Variants in ITGBL1 observed in about 807,000 individuals in gnomAD.
ITGBL1 encodes integrin beta-like protein 1.
A neutral mutation model predicts 68.5 loss-of-function variants in ITGBL1; 51 were observed. That is an observed-to-expected ratio of 0.74 (90% CI 0.59 to 0.94). The LOEUF is 0.94. Ranked by LOEUF, ITGBL1 falls within the 40% of genes least tolerant of loss-of-function variation. ITGBL1 has a pLI of 0.00. For missense variants in ITGBL1, 649 were observed against 647.4 expected, an observed-to-expected ratio of 1.00 and a Z score of -0.03; for synonymous variants, 209 against 227.3, an observed-to-expected ratio of 0.92 and a Z score of 0.72.
chr13:101,525,461 A>G (rs16959009), intron 2 of ITGBL1, among the ~76,000 whole-genome samples: 112,604 of 151,200 alleles, frequency 0.74, 41,955 homozygotes, highest in South Asian at 0.79. Flanking sequence ...CTACATTTTC[A>G]TCACCTCCTT....
chr13:101,471,027 C>G (rs566281645), intron 2 of ITGBL1, among the ~76,000 whole-genome samples: 1 of 152,306 alleles, frequency 6.6e-6, no homozygotes, highest in South Asian at 2.1e-4. Context: ...TATTAAGTTA[C>G]ACCATTTAGT....
chr13:101,560,174 G>GT (rs899655497), intron 2 of ITGBL1, among the ~76,000 whole-genome samples: 2 of 152,104 alleles, frequency 1.3e-5, no homozygotes, highest in African/African-American at 2.4e-5. Context: ...ATGTTACATT[G>GT]TTTTTTTGTT....
At chr13:101,694,720 C>A (rs990312421) in intron 8 of ITGBL1, among the ~76,000 whole-genome samples, 1 of 152,220 alleles carries the variant, frequency 6.6e-6, no homozygotes, top group Admixed American at 6.5e-5. Flanking sequence ...CTGAGCCTGG[C>A]CAGAAATGGC....
chr13:101,496,376 G>A (rs1594846869), intron 2 of ITGBL1, among the ~76,000 whole-genome samples: 1 of 152,218 alleles, frequency 6.6e-6, no homozygotes, highest in East Asian at 1.9e-4. Context: ...CACTGTAAAA[G>A]GAGTGGCTTG....
downstream of ITGBL1, chr13:101,720,487 A>T (rs2034893822): frequency 6.6e-6 from 1 of 151,796 alleles, no homozygotes; most frequent in African/African-American, 2.4e-5. Context: ...GAAACCAGCA[A>T]GTAGGGCTAA....
chr13:101,481,085 C>CGCATAT (rs1555353317), intron 2 of ITGBL1, among the ~76,000 whole-genome samples: 2 of 149,006 alleles, frequency 1.3e-5, no homozygotes, highest in African/African-American at 5.0e-5. Context: ...TATATACACA[C>CGCATAT]ATATATATAC....
At chr13:101,650,698 T>C (rs112959918) in intron 7 of ITGBL1, among the ~76,000 whole-genome samples, 162 of 151,854 alleles carry the variant, frequency 1.1e-3, no homozygotes, top group African/African-American at 3.6e-3. Flanking sequence ...TAGGTAAACA[T>C]GTGCCATGGT....
chr13:101,604,857 T>TAC (rs1404977179), intron 7 of ITGBL1, among the ~76,000 whole-genome samples: 35 of 14,368 alleles, frequency 2.4e-3, no homozygotes, highest in African/African-American at 5.4e-3. Context: ...TATATATATA[T>TAC]ATATATATAT....
chr13:101,509,410 C>A (rs975104757), intron 2 of ITGBL1, among the ~76,000 whole-genome samples: 1 of 152,074 alleles, frequency 6.6e-6, no homozygotes, highest in African/African-American at 2.4e-5. Context: ...TCTGTTTATT[C>A]TTATACCAGC....
intron 7 of ITGBL1, among the ~76,000 whole-genome samples, chr13:101,625,609 A>C (rs948743591): frequency 6.6e-6 from 1 of 151,922 alleles, no homozygotes; most frequent in East Asian, 1.9e-4. Context: ...CTGGAGTACA[A>C]TTGCACGATC....
intron 8 of ITGBL1, among the ~76,000 whole-genome samples, chr13:101,696,773 A>G (rs1311128231): frequency 6.6e-6 from 1 of 152,192 alleles, no homozygotes; most frequent in African/African-American, 2.4e-5. Flanking sequence ...GCTCAAAGCT[A>G]GGATAAAGGT....
intron 2 of ITGBL1, among the ~76,000 whole-genome samples, chr13:101,567,013 G>C (rs1038481959): frequency 3.3e-5 from 5 of 152,116 alleles, no homozygotes; most frequent in African/African-American, 1.2e-4. Flanking sequence ...ACTTCTGTCA[G>C]ACTAATGTGC....
chr13:101,639,223 A>C (rs1308067409), intron 7 of ITGBL1, among the ~76,000 whole-genome samples: 1 of 152,162 alleles, frequency 6.6e-6, no homozygotes, highest in Non-Finnish European at 1.5e-5. Flanking sequence ...TAGAAATTAC[A>C]AAAAAATTCA....
intron 2 of ITGBL1, among the ~76,000 whole-genome samples, chr13:101,542,343 A>G (rs567247749): frequency 6.6e-6 from 1 of 152,192 alleles, no homozygotes; most frequent in African/African-American, 2.4e-5. Context: ...CAGGTTGTTC[A>G]GTTTCCATGT....
chr13:101,715,710 A>C lies in ITGBL1; in HGVS notation c.*56A>C. ...TTTTTCTGGGCCATTAGAACAGATA[A>C]ATGCGAAGGAAACCATGTATATTCA... On this transcript the variant is annotated 3_prime_UTR_variant, in exon 11 of 11. Coordinates refer to ENST00000376180, the MANE Select transcript of ITGBL1 (RefSeq NM_004791.3). The C allele has an allele frequency of 9.2e-7, 1 of 1,085,268 alleles. No individual in the cohort carries two copies. The highest frequency in any genetic ancestry group is 1.4e-6 in the Non-Finnish European group (1 of 698,016). The allele number at this position is 1,085,268 out of a possible 1,614,324, so 67.2% of individuals were successfully genotyped here.
intron 7 of ITGBL1, among the ~76,000 whole-genome samples, chr13:101,610,510 T>C (rs1180147274): frequency 6.6e-6 from 1 of 152,208 alleles, no homozygotes; most frequent in Admixed American, 6.6e-5. Context: ...CGATGTTGCT[T>C]ATCATAATCA....
chr13:101,631,633 C>T (rs1252345634), intron 7 of ITGBL1, among the ~76,000 whole-genome samples: 7 of 152,118 alleles, frequency 4.6e-5, no homozygotes, highest in Admixed American at 4.6e-4. Context: ...TTTTTGCCTA[C>T]ATTTGCTAAT....
At chr13:101,669,804 A>G (rs1248130505) in intron 7 of ITGBL1, among the ~76,000 whole-genome samples, 2 of 152,198 alleles carry the variant, frequency 1.3e-5, no homozygotes, top group Admixed American at 6.5e-5. Context: ...TAATTTCACA[A>G]ATTGGAGTTT....
intron 2 of ITGBL1, among the ~76,000 whole-genome samples, chr13:101,460,088 A>C (rs2048297836): frequency 6.6e-6 from 1 of 151,774 alleles, no homozygotes; most frequent in Non-Finnish European, 1.5e-5. Context: ...TTTCTTTACT[A>C]GTCTTTTTCT....
Sources: allele counts gnomAD v4.1 joint callset (sites outside exome capture counted in the v4.1 genomes callset), GRCh38; gene constraint gnomAD v4.1.1; transcripts MANE v1.5; gene names NCBI Gene and HGNC (gene_info 2026-07-23, HGNC 2026-07-21).